CD200R1L: variants seen among roughly 807,000 people sequenced by gnomAD.
CD200R1L encodes cell surface glycoprotein CD200 receptor 2.
In CD200R1L, 14 loss-of-function variants were observed where a neutral mutation model predicts 24.8. That is an observed-to-expected ratio of 0.56 (90% CI 0.37 to 0.88). CD200R1L has a LOEUF of 0.88. Among genes scored for constraint, CD200R1L ranks in the 40% least tolerant of loss-of-function variants. The pLI is 0.00. For synonymous variants in CD200R1L, 111 were observed against 109.2 expected, an observed-to-expected ratio of 1.02 and a Z score of -0.11; for missense variants, 299 against 297.8, an observed-to-expected ratio of 1.00 and a Z score of -0.03.
intron 6 of CD200R1L, among the ~76,000 whole-genome samples, chr3:112,821,616 G>A (rs1190403549): frequency 1.3e-5 from 2 of 151,908 alleles, no homozygotes; most frequent in Non-Finnish European, 2.9e-5. Context: ...TTGGAGAAAG[G>A]CACAGATCAC....
rs376654114 is a variant in CD200R1L, at chr3:112,827,093, C to A, written c.516G>T (p.Thr172=). Residue 172 remains threonine, a synonymous_variant, in exon 6 of 8, where the codon ACG becomes ACT. Transcript: ENST00000488794. ...KQEYWGNGTV[T]VKSTCPWEGH... ...CCTCCCAGGGGCATGTACTCTTAAC[C>A]GTCACTGTGCCATTGCCCCAGTATT... 5.6e-6 allele frequency: 9 copies of A among 1,613,370 alleles called. No homozygotes were observed. In the South Asian group the frequency reaches 6.6e-5, roughly 12 times the overall value.
At chr3:112,845,509 C>T (rs987004809) in intron 2 of CD200R1L, among the ~76,000 whole-genome samples, 170 bp downstream of exon 2, 3 of 152,196 alleles carry the variant, frequency 2.0e-5, no homozygotes, top group African/African-American at 7.2e-5. Context: ...AGTCAGTACA[C>T]CACTGGGATA....
At chr3:112,825,157 T>C (rs550405031) in intron 6 of CD200R1L, among the ~76,000 whole-genome samples, 2 of 151,286 alleles carry the variant, frequency 1.3e-5, no homozygotes, top group African/African-American at 4.9e-5. Flanking sequence ...GAGGATGGCA[T>C]GAACCTGGGA....
At chr3:112,840,412 G>C (rs1356549762) in intron 2 of CD200R1L, among the ~76,000 whole-genome samples, 1 of 152,154 alleles carries the variant, frequency 6.6e-6, no homozygotes, top group African/African-American at 2.4e-5. Flanking sequence ...GTGGGTGGGA[G>C]ATGCTACACA....
intron 2 of CD200R1L, among the ~76,000 whole-genome samples, chr3:112,842,628 GTAGGAGAGA>G (rs951667890): frequency 2.6e-5 from 4 of 152,180 alleles, no homozygotes; most frequent in African/African-American, 9.7e-5. Context: ...GGGTGTGAAA[GTAGGAGAGA>G]TATCACTAAA....
At chr3:112,826,658 TAAC>T (rs556340402) in intron 6 of CD200R1L, among the ~76,000 whole-genome samples, 17 of 152,148 alleles carry the variant, frequency 1.1e-4, no homozygotes, top group African/African-American at 1.7e-4. Flanking sequence ...AACAAAGTAA[TAAC>T]TACTACAAGA....
At chr3:112,838,473 A>AC (rs150372898) in intron 2 of CD200R1L, among the ~76,000 whole-genome samples, 12,086 of 125,448 alleles carry the variant, frequency 0.096, 576 homozygotes, top group South Asian at 0.17. Context: ...ATTTGCAAAA[A>AC]AAACAAACAA....
At chr3:112,833,082 C>T (rs1938850617) in intron 3 of CD200R1L, among the ~76,000 whole-genome samples, 1 of 152,220 alleles carries the variant, frequency 6.6e-6, no homozygotes, top group South Asian at 2.1e-4. Context: ...GGTCTGGACC[C>T]TACCATATAT....
chr3:112,829,425 T>G (rs1416804987), intron 3 of CD200R1L, 41 bp from the exon 4 acceptor site: 1 of 1,557,348 alleles, frequency 6.4e-7, no homozygotes, highest in Non-Finnish European at 8.9e-7. Flanking sequence ...ATCAATTTTA[T>G]GTACTCAGAA....
chr3:112,838,181 G>A (rs1939001572), intron 2 of CD200R1L, among the ~76,000 whole-genome samples, 171 bp from the exon 3 acceptor site: 1 of 146,358 alleles, frequency 6.8e-6, no homozygotes, highest in African/African-American at 2.8e-5. Flanking sequence ...AATCAGCAGT[G>A]AGACCATAAC....
intron 3 of CD200R1L, among the ~76,000 whole-genome samples, chr3:112,832,384 T>C (rs891241631): frequency 2.0e-5 from 3 of 152,210 alleles, no homozygotes; most frequent in African/African-American, 4.8e-5. Flanking sequence ...AGAATGAACA[T>C]GCTTAGCAGC....
intron 6 of CD200R1L, among the ~76,000 whole-genome samples, chr3:112,825,421 A>G (rs1314705433): frequency 6.7e-6 from 1 of 148,598 alleles, no homozygotes; most frequent in East Asian, 1.9e-4. Context: ...ATAAAATTAT[A>G]TATTATTAGA....
At chr3:112,827,781 A>C in intron 4 of CD200R1L, 97 bp from the exon 5 acceptor site, 1 of 1,205,528 alleles carries the variant, frequency 8.3e-7, no homozygotes, top group Non-Finnish European at 1.1e-6. Context: ...GTTTTATTAG[A>C]ACATAAATTT....
At chr3:112,829,513 A>G (rs1474552086) in intron 3 of CD200R1L, 129 bp from the exon 4 acceptor site, 1 of 1,286,836 alleles carries the variant, frequency 7.8e-7, no homozygotes, top group African/African-American at 1.5e-5. Flanking sequence ...TACAAAAATC[A>G]TTGTAAAACA....
Position 112,827,152 on chromosome 3 carries a change from T to A in CD200R1L, c.457A>T (p.Ile153Phe). ...GTGGCAAGAATAGATCCCTCTGGGA[T>A]CCAGGAGATCTGGGCAGCTGGCTTC... ...TGKPAAQISW[I>F]PEGSILATKQ... is the part of the protein sequence containing the mutation. Residue 153 changes from isoleucine to phenylalanine, a missense_variant, in exon 6 of 8, where the codon ATC (isoleucine) becomes TTC (phenylalanine). Physicochemically the swap from Ile to Phe is conservative, Grantham distance 21. Transcript: ENST00000488794. 2 of 1,613,586 alleles carry A rather than the reference T, an allele frequency of 1.2e-6. No homozygotes were observed. The highest frequency in any genetic ancestry group is 1.7e-6 in the Non-Finnish European group (2 of 1,180,022).
intron 2 of CD200R1L, among the ~76,000 whole-genome samples, chr3:112,842,470 G>C (rs934845461): frequency 2.0e-5 from 3 of 152,094 alleles, no homozygotes; most frequent in African/African-American, 7.2e-5. Flanking sequence ...ATGTGTGTTT[G>C]AACAATATGA....
intron 6 of CD200R1L, 42 bp downstream of exon 6, chr3:112,826,951 T>C: frequency 6.6e-7 from 1 of 1,509,662 alleles, no homozygotes; most frequent in Non-Finnish European, 8.8e-7. Flanking sequence ...GAAGAAAAAG[T>C]TGAGCATCAA....
At position 112,837,988 on chromosome 3, in the gene CD200R1L, C is replaced by A; in HGVS notation, c.-64G>T. ...AACTTTGTATTTCCAGTTGTGTCAT[C>A]AGACAGGAATTATTATCTGAGGCTA... On this transcript the variant is annotated 5_prime_UTR_variant, in exon 3 of 8. Coordinates refer to ENST00000488794, the MANE Select transcript of CD200R1L (RefSeq NM_001199215.3). The A allele has an allele frequency of 8.1e-7, 1 of 1,240,656 alleles. No individual in the cohort carries two copies. Among genetic ancestry groups the A allele is most frequent in the Admixed American group, 2.9e-5 (1 of 34,486 alleles). The allele number at this position is 1,240,656 out of a possible 1,614,324, so 76.9% of individuals were successfully genotyped here.
At position 112,819,811 on chromosome 3, in the gene CD200R1L, G is replaced by T; in HGVS notation, c.701C>A (p.Thr234Asn). ...KLSLFVVILV[T>N]TGFVFFQRIN... ...CCTCTGGAAGAAAACAAATCCTGTG[G>T]TGACCAGAATGACCACAAAAAGAGA... Residue 234 changes from threonine to asparagine, a missense_variant, in exon 7 of 8, where the codon ACC (threonine) becomes AAC (asparagine). Physicochemically the swap from Thr to Asn is moderately conservative, Grantham distance 65. Coordinates refer to ENST00000488794, the MANE Select transcript of CD200R1L (RefSeq NM_001199215.3). The T allele has an allele frequency of 6.2e-7, 1 of 1,611,458 alleles. No homozygotes were observed. The highest frequency in any genetic ancestry group is 8.5e-7 in the Non-Finnish European group (1 of 1,179,072).
Sources: allele counts gnomAD v4.1 joint callset (sites outside exome capture counted in the v4.1 genomes callset), GRCh38; gene constraint gnomAD v4.1.1; transcripts MANE v1.5; gene names NCBI Gene and HGNC (gene_info 2026-07-23, HGNC 2026-07-21).